Variants in NCF2 observed in about 807,000 individuals in gnomAD.
The protein encoded by NCF2 is neutrophil cytosolic factor 2.
In NCF2, 45 loss-of-function variants were observed where a neutral mutation model predicts 70.9. That is an observed-to-expected ratio of 0.63 (90% CI 0.50 to 0.81). The LOEUF is 0.81. Ranked by LOEUF, NCF2 falls within the 40% of genes least tolerant of loss-of-function variation. The pLI, the probability that NCF2 is intolerant of heterozygous loss-of-function variation, is 0.00. For missense variants in NCF2, 522 were observed against 631.6 expected, an observed-to-expected ratio of 0.83 and a Z score of 1.86; for synonymous variants, 203 against 233.6, an observed-to-expected ratio of 0.87 and a Z score of 1.19.
intron 4 of NCF2, 107 bp downstream of exon 4, chr1:183,574,380 C>T: frequency 6.6e-7 from 1 of 1,507,232 alleles, no homozygotes; most frequent in Non-Finnish European, 9.2e-7. Flanking sequence ...TACCCAGACT[C>T]ACAGAAAGTA....
At chr1:183,592,786 T>C (rs1673711043), upstream of NCF2, among the ~76,000 whole-genome samples, 1 of 152,182 alleles carries the variant, frequency 6.6e-6, no homozygotes, top group African/African-American at 2.4e-5. Context: ...CTCTCCTTAA[T>C]CTGACTGCCA....
At chr1:183,596,549 G>A in the NCF2 span, among the ~76,000 whole-genome samples, 1 of 151,932 alleles carries the variant, frequency 6.6e-6, no homozygotes, top group South Asian at 2.1e-4. Flanking sequence ...CAAGGTGGGC[G>A]GATCACGAGG....
At chr1:183,567,405 T>C (rs2102891237) in intron 7 of NCF2, 60 bp from the exon 8 acceptor site, 1 of 1,608,004 alleles carries the variant, frequency 6.2e-7, no homozygotes, top group Non-Finnish European at 8.5e-7. Context: ...ATGGCGCAAA[T>C]ACACTGAACT....
upstream of NCF2, among the ~76,000 whole-genome samples, chr1:183,592,261 C>T (rs1003807745): frequency 6.6e-6 from 1 of 152,208 alleles, no homozygotes; most frequent in African/African-American, 2.4e-5. Flanking sequence ...ACATGTGTGT[C>T]TTTGTCCAGA....
chr1:183,591,481 CTTTT>C (rs1336269208), upstream of NCF2, among the ~76,000 whole-genome samples: 1 of 137,914 alleles, frequency 7.3e-6, no homozygotes. Context: ...CCTGAAATAA[CTTTT>C]TTTTTTTTTT....
upstream of NCF2, among the ~76,000 whole-genome samples, chr1:183,591,545 C>T (rs1013516460): frequency 1.3e-5 from 2 of 149,714 alleles, no homozygotes; most frequent in Non-Finnish European, 3.0e-5. Context: ...TGCAGTGACA[C>T]GATCTCAGCT....
intron 1 of NCF2, 48 bp downstream of exon 1, chr1:183,590,108 T>C (rs1401586657): frequency 4.3e-6 from 7 of 1,612,388 alleles, no homozygotes; most frequent in Admixed American, 1.7e-5. Flanking sequence ...TTGAGAATCA[T>C]AATAACAAAT....
upstream of NCF2, among the ~76,000 whole-genome samples, chr1:183,593,764 G>A (rs531261624): frequency 3.3e-5 from 5 of 152,216 alleles, no homozygotes; most frequent in South Asian, 1.0e-3. Context: ...TCATTACTTG[G>A]TGCTGTTAGT....
the NCF2 span, among the ~76,000 whole-genome samples, chr1:183,600,393 T>C: frequency 6.6e-6 from 1 of 152,240 alleles, no homozygotes. Context: ...CTCAACAACC[T>C]GCCCTAGCCA....
At chr1:183,558,218 ACTCT>A (rs1207098292) in intron 14 of NCF2, among the ~76,000 whole-genome samples, 1 of 148,720 alleles carries the variant, frequency 6.7e-6, no homozygotes, top group African/African-American at 2.5e-5. Flanking sequence ...CTTGTTGTAT[ACTCT>A]CTCTACCCCC....
At chr1:183,557,344 T>G (rs1671836847) in intron 14 of NCF2, among the ~76,000 whole-genome samples, 1 of 152,204 alleles carries the variant, frequency 6.6e-6, no homozygotes, top group Non-Finnish European at 1.5e-5. Context: ...GGGCAGCAGT[T>G]TTTTCAAAAG....
At chr1:183,588,633 G>T (rs1444856564) in intron 1 of NCF2, among the ~76,000 whole-genome samples, 2 of 151,874 alleles carry the variant, frequency 1.3e-5, no homozygotes, top group African/African-American at 4.8e-5. Flanking sequence ...TATATAAATT[G>T]TTATATTTGT....
At chr1:183,589,457 CA>C (rs1467511636) in intron 1 of NCF2, among the ~76,000 whole-genome samples, 1 of 152,206 alleles carries the variant, frequency 6.6e-6, no homozygotes, top group Non-Finnish European at 1.5e-5. Context: ...CTTCTCCTTC[CA>C]AACTCCATAC....
upstream of NCF2, among the ~76,000 whole-genome samples, chr1:183,593,548 C>G (rs935624438): frequency 2.0e-5 from 3 of 152,158 alleles, no homozygotes; most frequent in Non-Finnish European, 4.4e-5. Context: ...TATGAGCCAG[C>G]CTCTTCCTCC....
intron 4 of NCF2, among the ~76,000 whole-genome samples, chr1:183,573,871 C>T (rs1266006760): frequency 1.3e-5 from 2 of 152,244 alleles, no homozygotes; most frequent in African/African-American, 4.8e-5. Context: ...GGGCAGATCA[C>T]CTGAGGTCAG....
intron 13 of NCF2, 139 bp from the exon 14 acceptor site, chr1:183,560,412 G>T: frequency 3.1e-6 from 3 of 963,156 alleles, no homozygotes; most frequent in East Asian, 2.4e-5. Context: ...CTTGTGTAGA[G>T]CTTATATGCT....
chr1:183,595,101 A>G (rs138534081), upstream of NCF2, among the ~76,000 whole-genome samples: 1 of 152,394 alleles, frequency 6.6e-6, no homozygotes, highest in African/African-American at 2.4e-5. Flanking sequence ...GTTTGTCAGT[A>G]TCATGTTAGT....
In NCF2 at chr1:183,583,297, G is replaced by A. The variant is rs568092871; in HGVS notation, c.257+3598C>T. On this transcript the variant is annotated intron_variant, in intron 2 of 14. Coordinates refer to ENST00000367535, the MANE Select transcript of NCF2 (RefSeq NM_000433.4). ...TCAAACTCTTGACCTCAGGTGATCC[G>A]CCTACCTTGGCCTCCTAAAGTGCTG... Among the ~76,000 whole-genome samples the A allele has an allele frequency of 7.9e-5, 12 of 152,102 alleles. No homozygotes were observed. The South Asian group carries it at 1.2e-3, about 16-fold the overall frequency.
the NCF2 span, chr1:183,597,662 T>G: frequency 6.6e-6 from 1 of 152,254 alleles, no homozygotes; most frequent in Non-Finnish European, 1.5e-5. Flanking sequence ...CCCATCTTTG[T>G]GTTCATGTAT....
Sources: allele counts gnomAD v4.1 joint callset (sites outside exome capture counted in the v4.1 genomes callset), GRCh38; gene constraint gnomAD v4.1.1; transcripts MANE v1.5; gene names NCBI Gene and HGNC (gene_info 2026-07-23, HGNC 2026-07-21).